The following MPPED2 variants were observed in gnomAD, a reference collection of about 807,000 sequenced individuals.
The protein encoded by MPPED2 is metallophosphoesterase MPPED2.
In MPPED2, 5 loss-of-function variants were observed where a neutral mutation model predicts 33.0. The observed-to-expected ratio is 0.15, with a 90% CI of 0.08 to 0.32. The LOEUF (loss-of-function observed/expected upper bound fraction) is 0.32. Ranked by LOEUF, MPPED2 falls within the 10% of genes least tolerant of loss-of-function variation. The pLI is 1.00. For synonymous variants in MPPED2, 136 were observed against 141.9 expected (o/e 0.96, Z 0.29); for missense variants, 275 against 372.1 (o/e 0.74, Z 2.15).
chr11:30,527,575 C>G (rs950482591), intron 3 of MPPED2, among the ~76,000 whole-genome samples: 1 of 151,884 alleles, frequency 6.6e-6, no homozygotes, highest in Non-Finnish European at 1.5e-5. Flanking sequence ...AAAGGAGAGG[C>G]CCTGCTGCCC....
chr11:30,494,771 A>AAGAG (rs1298679853), intron 4 of MPPED2, among the ~76,000 whole-genome samples: 2 of 150,652 alleles, frequency 1.3e-5, no homozygotes, highest in African/African-American at 4.9e-5. Flanking sequence ...GAAAGAAAGA[A>AAGAG]AGAAAGAAAA....
intron 4 of MPPED2, among the ~76,000 whole-genome samples, chr11:30,436,157 C>T (rs2133872560): frequency 6.9e-6 from 1 of 145,504 alleles, no homozygotes; most frequent in South Asian, 2.2e-4. Flanking sequence ...TCTTTAGAGT[C>T]TGTAAACTCT....
chr11:30,554,259 A>G (rs1307125898), intron 2 of MPPED2, among the ~76,000 whole-genome samples: 1 of 152,128 alleles, frequency 6.6e-6, no homozygotes, highest in Non-Finnish European at 1.5e-5. Context: ...TGCAGGCTTC[A>G]CACTGCTCAG....
Position 30,476,019 on chromosome 11 carries a change from A to C in MPPED2, c.536+19277T>G, listed in dbSNP as rs113985290. On this transcript the variant is annotated intron_variant, in intron 4 of 6. Transcript: ENST00000358117. ...AATGTTTTTTAACATCTTTTCATAT[A>C]CTTGTTGGCCATTTGGATATATCCC... Among the ~76,000 whole-genome samples the C allele has an allele frequency of 2.8e-3, 425 of 152,092 alleles. 1 individual carries two copies. The highest frequency in any genetic ancestry group is 4.3e-3 in the Non-Finnish European group (290 of 67,928).
At chr11:30,532,922 C>A (rs533560754) in intron 3 of MPPED2, among the ~76,000 whole-genome samples, 7 of 152,282 alleles carry the variant, frequency 4.6e-5, no homozygotes, top group Admixed American at 2.0e-4. Flanking sequence ...ATTCCCTGGC[C>A]TTGCAGTTGC....
intron 3 of MPPED2, among the ~76,000 whole-genome samples, chr11:30,524,821 G>A (rs978257820): frequency 4.6e-5 from 7 of 152,104 alleles, no homozygotes; most frequent in Non-Finnish European, 1.0e-4. Flanking sequence ...ATTTGGAGGC[G>A]ATATATTTCA....
At chr11:30,392,528 G>A (rs1029490077) in intron 6 of MPPED2, among the ~76,000 whole-genome samples, 1 of 152,224 alleles carries the variant, frequency 6.6e-6, no homozygotes, top group Non-Finnish European at 1.5e-5. Context: ...AAAGAAGATG[G>A]CTTCTCTCCG....
intron 4 of MPPED2, among the ~76,000 whole-genome samples, chr11:30,418,059 G>T (rs1405537464): frequency 6.6e-6 from 1 of 152,064 alleles, no homozygotes; most frequent in Non-Finnish European, 1.5e-5. Context: ...GGAGGGAGGA[G>T]AAAATCTTTC....
chr11:30,575,591 G>A (rs1390221690), intron 2 of MPPED2, among the ~76,000 whole-genome samples: 1 of 152,168 alleles, frequency 6.6e-6, no homozygotes, highest in Non-Finnish European at 1.5e-5. Flanking sequence ...TGTGCCTTTT[G>A]CACTCAATCC....
At chr11:30,453,367 C>A (rs1590332166) in intron 4 of MPPED2, among the ~76,000 whole-genome samples, 1 of 152,134 alleles carries the variant, frequency 6.6e-6, no homozygotes, top group African/African-American at 2.4e-5. Flanking sequence ...TCAATTTAGT[C>A]TTTTTCAACA....
At chr11:30,543,870 A>T (rs1289084998) in intron 2 of MPPED2, among the ~76,000 whole-genome samples, 1 of 147,850 alleles carries the variant, frequency 6.8e-6, no homozygotes, top group Non-Finnish European at 1.5e-5. Context: ...CAGAACAGTA[A>T]TGGTGCTGAA....
rs763926651 is a variant in MPPED2, at chr11:30,495,360, T to C, written c.472A>G (p.Asn158Asp). ...DFDNVQSLLT[N>D]SIYLQDSEVT... ...TCCGAATCTTGTAAGTAAATACTGT[T>C]TGTCAGGAGGGACTGAACATTGTCA... Residue 158 changes from asparagine to aspartate, a missense_variant, in exon 4 of 7, where the codon AAC becomes GAC. By Grantham distance (23) the Asn-to-Asp change is conservative. Transcript: ENST00000358117. 4.5e-5 allele frequency: 73 copies of C among 1,614,026 alleles called. No homozygotes were observed. Among genetic ancestry groups the C allele is most frequent in the Middle Eastern group, 3.3e-4 (2 of 6,084 alleles).
intron 4 of MPPED2, among the ~76,000 whole-genome samples, chr11:30,480,500 A>C (rs992217891): frequency 6.6e-6 from 1 of 152,110 alleles, no homozygotes; most frequent in Non-Finnish European, 1.5e-5. Flanking sequence ...TCTGTACAAG[A>C]CATAATACAC....
At chr11:30,421,396 G>A (rs1401357376) in intron 4 of MPPED2, among the ~76,000 whole-genome samples, 2 of 151,684 alleles carry the variant, frequency 1.3e-5, no homozygotes, top group Non-Finnish European at 2.9e-5. Flanking sequence ...CCAAGTTAAG[G>A]ATGAAGTTTA....
intron 6 of MPPED2, among the ~76,000 whole-genome samples, chr11:30,405,172 G>C (rs1947971153): frequency 6.6e-6 from 1 of 152,162 alleles, no homozygotes; most frequent in Non-Finnish European, 1.5e-5. Flanking sequence ...AGGCATGGTG[G>C]TGAGCCCATG....
At chr11:30,384,338 C>T (rs770909061), downstream of MPPED2, among the ~76,000 whole-genome samples, 16 of 152,060 alleles carry the variant, frequency 1.1e-4, no homozygotes, top group Non-Finnish European at 2.4e-4. Flanking sequence ...GGAGAGAGGA[C>T]CATTCCTATT....
At chr11:30,583,146 T>C (rs914252249) in intron 1 of MPPED2, among the ~76,000 whole-genome samples, 4 of 41,936 alleles carry the variant, frequency 9.5e-5, no homozygotes, top group Non-Finnish European at 2.4e-4. Flanking sequence ...TTTTTTTTTT[T>C]TTTTTTTTTT....
chr11:30,531,433 C>A (rs1352356993), intron 3 of MPPED2, among the ~76,000 whole-genome samples: 1 of 152,152 alleles, frequency 6.6e-6, no homozygotes, highest in African/African-American at 2.4e-5. Flanking sequence ...TATAGGGATT[C>A]AAAGTTTCAT....
chr11:30,558,639 C>T (rs1484355066), intron 2 of MPPED2, among the ~76,000 whole-genome samples: 8 of 150,940 alleles, frequency 5.3e-5, no homozygotes, highest in Non-Finnish European at 8.8e-5. Context: ...CCAGGGTAGT[C>T]TCAAACTGCT....
Sources: allele counts gnomAD v4.1 joint callset (sites outside exome capture counted in the v4.1 genomes callset), GRCh38; gene constraint gnomAD v4.1.1; transcripts MANE v1.5; gene names NCBI Gene and HGNC (gene_info 2026-07-23, HGNC 2026-07-21).